Variants in SWT1 observed in about 807,000 individuals in gnomAD.
SWT1 encodes the protein SWT1 RNA endoribonuclease homolog.
In SWT1, 33 loss-of-function variants were observed where a neutral mutation model predicts 107.3. The ratio of observed to expected loss-of-function variants is 0.31; its 90% confidence interval spans 0.23 to 0.41. The LOEUF is 0.41. SWT1 is among the 10% of genes least tolerant of loss of function. SWT1 has a pLI of 1.00. For synonymous variants in SWT1, 345 were observed against 348.3 expected (o/e 0.99, Z 0.11); for missense variants, 898 against 1,028.9 (o/e 0.87, Z 1.74).
At chr1:185,238,755 T>A (rs1661065623) in intron 16 of SWT1, among the ~76,000 whole-genome samples, 2 of 152,036 alleles carry the variant, frequency 1.3e-5, no homozygotes, top group Non-Finnish European at 2.9e-5. Flanking sequence ...GGCATTTAAA[T>A]TAAAATTTAA....
intron 16 of SWT1, among the ~76,000 whole-genome samples, chr1:185,260,015 G>C (rs1371405055): frequency 2.0e-5 from 3 of 152,112 alleles, no homozygotes. Context: ...CAAGAGTCAT[G>C]GGTGAGTACT....
chr1:185,276,451 A>G (rs576467895), intron 17 of SWT1, among the ~76,000 whole-genome samples, 153 bp from the exon 18 acceptor site: 12 of 152,296 alleles, frequency 7.9e-5, no homozygotes, highest in African/African-American at 2.9e-4. Context: ...TGTTAGCATT[A>G]TAGTCGTTGC....
At chr1:185,288,301 A>G (rs1195573178) in intron 18 of SWT1, among the ~76,000 whole-genome samples, 1 of 152,120 alleles carries the variant, frequency 6.6e-6, no homozygotes, top group Non-Finnish European at 1.5e-5. Flanking sequence ...GCTGCTCTCA[A>G]ACTCCTGGCC....
intron 13 of SWT1, among the ~76,000 whole-genome samples, chr1:185,211,529 C>T (rs557506939): frequency 2.2e-3 from 338 of 152,280 alleles, no homozygotes; most frequent in Non-Finnish European, 3.5e-3. Flanking sequence ...ACATATTGGA[C>T]ATCTCTCCAA....
At chr1:185,235,720 AAGAAATAAAGGGTATTCAAAT>A (rs1660820854) in intron 16 of SWT1, among the ~76,000 whole-genome samples, 1 of 152,198 alleles carries the variant, frequency 6.6e-6, no homozygotes, top group Non-Finnish European at 1.5e-5. Context: ...AGGCAAGAGA[AAGAAATAAAGGGTATTCAAAT>A]AGGAAGAGAA....
chr1:185,193,125 CT>C, intron 10 of SWT1, among the ~76,000 whole-genome samples: 1 of 152,194 alleles, frequency 6.6e-6, no homozygotes, highest in African/African-American at 2.4e-5. Context: ...TATAATTTCC[CT>C]TGTGACTCTT....
At chr1:185,210,046 T>A (rs1173346448) in intron 13 of SWT1, among the ~76,000 whole-genome samples, 1 of 152,230 alleles carries the variant, frequency 6.6e-6, no homozygotes, top group African/African-American at 2.4e-5. Flanking sequence ...TCTGTTCATA[T>A]CCCTCGCCCA....
At chr1:185,219,888 C>A (rs1659504457) in intron 14 of SWT1, among the ~76,000 whole-genome samples, 1 of 151,990 alleles carries the variant, frequency 6.6e-6, no homozygotes, top group Non-Finnish European at 1.5e-5. Context: ...GTAATCCCAG[C>A]ACTTTGGAAG....
At chr1:185,256,038 G>A (rs1450564506) in intron 16 of SWT1, among the ~76,000 whole-genome samples, 1 of 151,518 alleles carries the variant, frequency 6.6e-6, no homozygotes, top group African/African-American at 2.4e-5. Flanking sequence ...CTTCGCTTAT[G>A]AAGCTTAGTT....
chr1:185,210,116 T>TA (rs1466512661), intron 13 of SWT1, among the ~76,000 whole-genome samples: 1 of 152,226 alleles, frequency 6.6e-6, no homozygotes, highest in Non-Finnish European at 1.5e-5. Context: ...TGATTCTGTA[T>TA]ATTAGCTGTT....
chr1:185,279,061 G>C (rs185919737), intron 18 of SWT1, among the ~76,000 whole-genome samples: 1 of 152,182 alleles, frequency 6.6e-6, no homozygotes, highest in Non-Finnish European at 1.5e-5. Context: ...AAAATCTGAA[G>C]CCAGTTGGCA....
intron 18 of SWT1, among the ~76,000 whole-genome samples, chr1:185,284,185 T>C (rs915206311): frequency 2.6e-5 from 4 of 152,222 alleles, no homozygotes; most frequent in Non-Finnish European, 5.9e-5. Context: ...TGATTTCAAT[T>C]TGTATTTCTC....
At chr1:185,268,597 G>T (rs1481691155) in intron 16 of SWT1, among the ~76,000 whole-genome samples, 1 of 152,086 alleles carries the variant, frequency 6.6e-6, no homozygotes, top group Non-Finnish European at 1.5e-5. Context: ...TCTGATCTGG[G>T]CATCTTTAGT....
At chr1:185,185,277 T>C (rs1376367304) in intron 9 of SWT1, among the ~76,000 whole-genome samples, 2 of 152,180 alleles carry the variant, frequency 1.3e-5, no homozygotes, top group African/African-American at 2.4e-5. Flanking sequence ...AATATCACCA[T>C]ATGCAGTTAA....
intron 4 of SWT1, among the ~76,000 whole-genome samples, chr1:185,168,733 A>G (rs1284281969): frequency 6.6e-6 from 1 of 152,232 alleles, no homozygotes; most frequent in Admixed American, 6.5e-5. Context: ...GAGATTTTGG[A>G]TAAATCATTT....
chr1:185,269,369 TTTTG>T (rs1216617172), intron 16 of SWT1, among the ~76,000 whole-genome samples: 10 of 143,034 alleles, frequency 7.0e-5, no homozygotes, highest in African/African-American at 2.8e-4. Context: ...GTTAAGAGGT[TTTTG>T]TTTTTTTTTT....
Position 185,290,871 on chromosome 1 carries a change from T to C in SWT1, c.*68T>C, listed in dbSNP as rs1247716539. On this transcript the variant is annotated 3_prime_UTR_variant, in exon 19 of 19. Coordinates refer to ENST00000367500, the MANE Select transcript of SWT1 (RefSeq NM_017673.7). ...AATAACAGAGTAGTTTTCAATCTGG[T>C]CACTCTTTTGGGCCAAACCCAAGAG... 2 of 1,423,510 alleles carry C rather than the reference T, an allele frequency of 1.4e-6. No homozygotes were observed. Among genetic ancestry groups the C allele is most frequent in the Non-Finnish European group, 1.9e-6 (2 of 1,045,242 alleles). 88.2% of individuals were successfully genotyped at this position (1,423,510 alleles called of 1,614,324 possible).
intron 16 of SWT1, chr1:185,264,447 A>G (rs1229932704): frequency 4.1e-6 from 4 of 984,354 alleles, no homozygotes; most frequent in Non-Finnish European, 4.8e-6. Flanking sequence ...TTGACAAGCT[A>G]TGTGATAATT....
In SWT1 at chr1:185,226,910, C is replaced by T. The variant is rs1571556411; in HGVS notation, c.2310-4667C>T. On this transcript the variant is annotated intron_variant, in intron 15 of 18. Coordinates refer to ENST00000367500, the MANE Select transcript of SWT1 (RefSeq NM_017673.7). ...ACATTTTGGGACAGTTCCACCTCTT[C>T]TTTTTAACTTCTTTCTGCGGCGTCT... 16 of 1,246,170 alleles carry T rather than the reference C, an allele frequency of 1.3e-5. No individual in the cohort carries two copies. The East Asian group carries it at 3.5e-4, about 27-fold the overall frequency. The allele number at this position is 1,246,170 out of a possible 1,614,324, so 77.2% of individuals were successfully genotyped here. A position where few individuals can be genotyped will look rare whatever the true frequency, so the allele number is the denominator to read the frequency against.
Sources: allele counts gnomAD v4.1 joint callset (sites outside exome capture counted in the v4.1 genomes callset), GRCh38; gene constraint gnomAD v4.1.1; transcripts MANE v1.5; gene names NCBI Gene and HGNC (gene_info 2026-07-23, HGNC 2026-07-21).